KAZN: variants seen among roughly 807,000 people sequenced by gnomAD.
The protein encoded by KAZN is kazrin.
In KAZN, 40 loss-of-function variants were observed where a neutral mutation model predicts 87.4. The observed-to-expected ratio is 0.46, with a 90% CI of 0.36 to 0.60. KAZN has a LOEUF of 0.60. Ranked by LOEUF, KAZN falls within the 20% of genes least tolerant of loss-of-function variation. The pLI, the probability that KAZN is intolerant of heterozygous loss-of-function variation, is 0.00. For missense variants in KAZN, 898 were observed against 1,073.9 expected (o/e 0.84, Z 2.29); for synonymous variants, 466 against 458.3 (o/e 1.02, Z -0.22).
At chr1:14,313,292 T>C (rs1487473980) in intron 2 of KAZN, among the ~76,000 whole-genome samples, 2 of 152,140 alleles carry the variant, frequency 1.3e-5, no homozygotes, top group African/African-American at 4.8e-5. Context: ...GATCTTGAAC[T>C]CTCTGTAAAT....
At chr1:14,419,134 G>C (rs1160728278) in intron 2 of KAZN, among the ~76,000 whole-genome samples, 1 of 152,146 alleles carries the variant, frequency 6.6e-6, no homozygotes, top group African/African-American at 2.4e-5. Flanking sequence ...TCTTTACAAA[G>C]GAACTTCTAT....
intron 2 of KAZN, among the ~76,000 whole-genome samples, chr1:14,467,710 G>A (rs989631181): frequency 3.7e-4 from 52 of 139,532 alleles, no homozygotes; most frequent in African/African-American, 5.2e-4. Flanking sequence ...ACTTTACATC[G>A]CCCTCAGTTG....
intron 1 of KAZN, among the ~76,000 whole-genome samples, chr1:14,169,088 C>T (rs114211167): frequency 0.022 from 3,397 of 152,024 alleles, 68 homozygotes; most frequent in Non-Finnish European, 0.031. Context: ...CTGTGGGACT[C>T]GTATTAAGTA....
At chr1:14,682,706 G>A (rs1640743738) in intron 1 of KAZN, among the ~76,000 whole-genome samples, 1 of 152,122 alleles carries the variant, frequency 6.6e-6, no homozygotes, top group African/African-American at 2.4e-5. Context: ...GTTTTTAAAG[G>A]AACGTGGAAT....
intron 1 of KAZN, among the ~76,000 whole-genome samples, chr1:14,060,291 AG>A (rs1400789198): frequency 4.8e-5 from 7 of 145,680 alleles, no homozygotes; most frequent in Admixed American, 2.2e-4. Flanking sequence ...TGAAACCGGG[AG>A]GCGGAGCTTA....
At chr1:15,103,210 T>C in intron 11 of KAZN, 149 bp from the exon 12 acceptor site, 1 of 600,512 alleles carries the variant, frequency 1.7e-6, no homozygotes, top group Non-Finnish European at 2.9e-6. Flanking sequence ...GAGGTTGCAG[T>C]GAGCACAGAT....
In KAZN at chr1:15,114,745, C is replaced by A; in HGVS notation, c.*110C>A. The A allele has an allele frequency of 8.7e-7, 1 of 1,148,452 alleles. No individual in the cohort carries two copies. The highest frequency in any genetic ancestry group is 1.2e-6 in the Non-Finnish European group (1 of 826,372). 71.1% of individuals were successfully genotyped at this position (1,148,452 alleles called of 1,614,324 possible). ...CATAGCGGCCGCAGGCTGAGGATGT[C>A]CCTTGCTCCTGGGCAAAATCCCGAT... On this transcript the variant is annotated 3_prime_UTR_variant, in exon 15 of 15. Transcript: ENST00000376030.
chr1:14,638,523 T>A (rs1680170420), intron 1 of KAZN, among the ~76,000 whole-genome samples: 1 of 146,152 alleles, frequency 6.8e-6, no homozygotes, highest in Admixed American at 7.0e-5. Flanking sequence ...GAGCTGAGAT[T>A]GCACCACGGC....
chr1:14,898,781 C>T (rs1655540038), intron 1 of KAZN, among the ~76,000 whole-genome samples: 1 of 152,128 alleles, frequency 6.6e-6, no homozygotes, highest in Admixed American at 6.5e-5. Context: ...CGGGACTTAT[C>T]GCCCCAGCAC....
chr1:14,337,917 C>T lies in KAZN; in HGVS notation c.249+157325C>T, dbSNP rs550159588. On this transcript the variant is annotated intron_variant, in intron 2 of 16. Coordinates refer to the KAZN transcript ENST00000636203. ...TCAAAAAAAAAAAAAAAAAAAGAGC[C>T]TCCTCTGTTTGAGAAATTGATCTTA... Among the ~76,000 whole-genome samples the T allele has an allele frequency of 1.5e-3, 230 of 151,146 alleles. 1 individual carries two copies. The highest frequency in any genetic ancestry group is 3.0e-3 in the Admixed American group (46 of 15,184).
intron 2 of KAZN, among the ~76,000 whole-genome samples, chr1:14,223,721 C>T (rs943725866): frequency 3.3e-5 from 5 of 152,112 alleles, no homozygotes; most frequent in Non-Finnish European, 7.3e-5. Flanking sequence ...ACAAGACTCT[C>T]GACGATGAAA....
At chr1:14,021,622 A>G (rs1404153711) in intron 1 of KAZN, among the ~76,000 whole-genome samples, 1 of 152,214 alleles carries the variant, frequency 6.6e-6, no homozygotes, top group Non-Finnish European at 1.5e-5. Context: ...CTTGAGAATC[A>G]TTACCTTAAA....
intron 2 of KAZN, among the ~76,000 whole-genome samples, chr1:14,493,082 G>T (rs995196508): frequency 5.9e-5 from 9 of 152,006 alleles, no homozygotes; most frequent in African/African-American, 1.7e-4. Context: ...CTTCATCCAC[G>T]CAGCCTTTCT....
chr1:14,948,002 T>A (rs1486618839), intron 1 of KAZN, among the ~76,000 whole-genome samples: 2 of 152,200 alleles, frequency 1.3e-5, no homozygotes, highest in Non-Finnish European at 2.9e-5. Context: ...AAGCTAGAAT[T>A]GAAGTCTAAA....
intron 1 of KAZN, among the ~76,000 whole-genome samples, chr1:14,035,124 G>A (rs113653648): frequency 1.3e-4 from 20 of 152,336 alleles, no homozygotes; most frequent in African/African-American, 4.3e-4. Context: ...GGGAGGCATA[G>A]CCTCATTGTC....
chr1:13,982,927 A>G (rs1436575802), intron 1 of KAZN, among the ~76,000 whole-genome samples: 2 of 152,120 alleles, frequency 1.3e-5, no homozygotes, highest in Non-Finnish European at 2.9e-5. Flanking sequence ...CAGAGCAGCT[A>G]GATACAGTCT....
intron 6 of KAZN, 139 bp from the exon 7 acceptor site, chr1:15,063,433 G>C: frequency 1.4e-6 from 1 of 716,918 alleles, no homozygotes; most frequent in South Asian, 1.6e-5. Flanking sequence ...GATGGGGGGT[G>C]GGCTCCCCAC....
chr1:14,262,641 C>A (rs1651165544), intron 2 of KAZN, among the ~76,000 whole-genome samples: 1 of 152,202 alleles, frequency 6.6e-6, no homozygotes, highest in Non-Finnish European at 1.5e-5. Flanking sequence ...CATGATAAAA[C>A]CACTTTAAAT....
chr1:14,370,833 T>A (rs140398529), intron 2 of KAZN, among the ~76,000 whole-genome samples: 2,144 of 152,248 alleles, frequency 0.014, 23 homozygotes, highest in Non-Finnish European at 0.022. Flanking sequence ...TACGGGCATG[T>A]GCTACCACGC....
Sources: allele counts gnomAD v4.1 joint callset (sites outside exome capture counted in the v4.1 genomes callset), GRCh38; gene constraint gnomAD v4.1.1; transcripts MANE v1.5; gene names NCBI Gene and HGNC (gene_info 2026-07-23, HGNC 2026-07-21).